The following MMP25 variants were observed in gnomAD, a reference collection of about 807,000 sequenced individuals.
MMP25 encodes matrix metallopeptidase 25.
In MMP25, 68 loss-of-function variants were observed where a neutral mutation model predicts 62.1. The ratio of observed to expected loss-of-function variants is 1.10; its 90% CI spans 0.90 to 1.34. The LOEUF (loss-of-function observed/expected upper bound fraction) is 1.34. Among genes scored for constraint, MMP25 ranks in the 40% most tolerant of loss-of-function variants. MMP25 has a pLI of 0.00. For missense variants in MMP25, 942 were observed against 792.5 expected (o/e 1.19, Z -2.26); for synonymous variants, 407 against 345.6 (o/e 1.18, Z -1.97).
At position 3,050,133 on chromosome 16, in the gene MMP25, C is replaced by G; in HGVS notation, c.357C>G (p.Thr119=). ...GCGGCAGCGTGTGGAAGAAGCGAAC[C>G]CTGACATGGAGGTAGGTCCTGGGGC... is the stretch of plus-strand genomic sequence containing the variant. ...ALSGSVWKKR[T]LTWRVRSFPQ... Residue 119 remains threonine, a synonymous_variant, in exon 3 of 10, where the codon ACC becomes ACG. Coordinates refer to ENST00000336577, the MANE Select transcript of MMP25 (RefSeq NM_022468.5). 5 of 1,606,008 alleles carry G rather than the reference C, an allele frequency of 3.1e-6. No homozygotes were observed. Among genetic ancestry groups the G allele is most frequent in the Non-Finnish European group, 4.3e-6 (5 of 1,174,300 alleles).
At position 3,058,850 on chromosome 16, in the gene MMP25, GC is replaced by G; in HGVS notation, c.1444del (p.His482ThrfsTer78). Reference sequence around the variant, plus strand: ...AGGTGACACCTACTTCTTCAAGGGCGCCCACTACTGGCGCTTCCCCAAGAAC... The same window carrying G: ...AGGTGACACCTACTTCTTCAAGGGCGCCACTACTGGCGCTTCCCCAAGAAC... ...NAGDTYFFKG[A>X]HYWRFPKNSI... On this transcript the variant is annotated frameshift_variant, in exon 10 of 10. Coordinates refer to ENST00000336577, the MANE Select transcript of MMP25 (RefSeq NM_022468.5). LOFTEE classifies it high-confidence loss of function. 6.5e-7 allele frequency: 1 copy of G among 1,530,882 alleles called. No individual in the cohort carries two copies. Among genetic ancestry groups the G allele is most frequent in the Non-Finnish European group, 8.8e-7 (1 of 1,136,094 alleles). 94.8% of individuals were successfully genotyped at this position (1,530,882 alleles called of 1,614,324 possible).
Position 3,058,133 on chromosome 16 carries a change from ACCT to A in MMP25, c.1007-44_1007-42del, listed in dbSNP as rs1172118615. 6 of 1,592,584 alleles carry A rather than the reference ACCT, an allele frequency of 3.8e-6. 1 individual carries two copies. The highest frequency in any genetic ancestry group is 1.8e-5 in the Admixed American group (1 of 55,402). On this transcript the variant is annotated intron_variant, in intron 7 of 9. Transcript: ENST00000336577. ...CCAGCCACACACCCTGGGGGAGGAG[ACCT>A]CCTGCTGTCTCATGCCTTCCTGCGA...
At position 3,058,433 on chromosome 16, in the gene MMP25, A is replaced by G; in HGVS notation, c.1181A>G (p.Gln394Arg). ...GCAGGGCCCCAGTTCTGGGTGTTCC[A>G]GGACCGGCAGCTGGAGGGCGGGGCG... is the stretch of plus-strand genomic sequence containing the variant. Reference protein sequence around the residue: ...LFSGPQFWVFQDRQLEGGARP... With the variant: ...LFSGPQFWVFRDRQLEGGARP... Residue 394 changes from glutamine (Q) to arginine (R), a missense_variant, in exon 9 of 10, where the codon CAG becomes CGG. By Grantham distance (43) the Gln-to-Arg change is conservative. Coordinates refer to ENST00000336577, the MANE Select transcript of MMP25 (RefSeq NM_022468.5). The G allele has an allele frequency of 1.9e-6, 3 of 1,578,972 alleles. No homozygotes were observed. The highest frequency in any genetic ancestry group is 2.6e-6 in the Non-Finnish European group (3 of 1,162,828).
In MMP25 at chr16:3,055,420, A is replaced by G. The variant is rs371602982; in HGVS notation, c.662-1613A>G. Among the ~76,000 whole-genome samples the G allele has an allele frequency of 1.1e-3, 163 of 152,294 alleles. 1 individual carries two copies. The highest frequency in any genetic ancestry group is 0.01 in the Middle Eastern group (3 of 294). ...GAAAAAGGACTCAGAGCAACAAGAG[A>G]ACCTACAGTCGACAGGGAAATTCGT... On this transcript the variant is annotated intron_variant, in intron 4 of 9. Coordinates refer to ENST00000336577, the MANE Select transcript of MMP25 (RefSeq NM_022468.5).
rs371508897 is a variant in MMP25 at position 3,057,642 on chromosome 16, G to A, written c.1006+29G>A. 3.7e-6 allele frequency: 6 copies of A among 1,605,212 alleles called. No individual in the cohort carries two copies. In the African/African-American group the frequency reaches 4.0e-5, roughly 11 times the overall value. On this transcript the variant is annotated intron_variant, in intron 7 of 9. Transcript: ENST00000336577. ...AGTCATTTCACTTGGCCTCATATAT[G>A]TTGGTTTCCTGCCCACTTCCAGTGA...
At chr16:3,050,666 T>A (rs371126074) in intron 4 of MMP25, 120 bp downstream of exon 4, 3 of 1,043,392 alleles carry the variant, frequency 2.9e-6, no homozygotes, top group Non-Finnish European at 4.0e-6. Flanking sequence ...CAGGCTAGAG[T>A]GCAGTGGTGC....
rs187045080 is a variant in MMP25, at chr16:3,048,899, G to A, written c.233-1110G>A. ...CGGCTCATTGCAATCTCTGCCTCCC[G>A]GGTTCAAGTGATTCTCCTGCCTCAG... On this transcript the variant is annotated intron_variant, in intron 2 of 9. Transcript: ENST00000336577. Among the ~76,000 whole-genome samples the A allele has an allele frequency of 2.2e-3, 338 of 151,292 alleles. 1 individual carries two copies. Among genetic ancestry groups the A allele is most frequent in the Admixed American group, 0.011 (164 of 15,170 alleles).
At position 3,058,272 on chromosome 16, in the gene MMP25, G is replaced by A. The variant is rs2142475; in HGVS notation, c.1098G>A (p.Gln366=). The change falls in exon 8 of 10, where the codon CAG becomes CAA. Residue 366 remains glutamine (Q), a synonymous_variant. Coordinates refer to ENST00000336577, the MANE Select transcript of MMP25 (RefSeq NM_022468.5). ...GCTTCTGGGAGGGGCTGCCCGCCCA[G>A]GTGAGGGTGGTGCAGGCCGCCTATG... ...LHRFWEGLPA[Q]VRVVQAAYAR... 2.5e-6 allele frequency: 4 copies of A among 1,610,208 alleles called. No individual in the cohort carries two copies. The highest frequency in any genetic ancestry group is 3.4e-6 in the Non-Finnish European group (4 of 1,178,918).
At chr16:3,047,714 C>T (rs1179545532) in intron 2 of MMP25, among the ~76,000 whole-genome samples, 167 bp downstream of exon 2, 2 of 152,146 alleles carry the variant, frequency 1.3e-5, no homozygotes, top group African/African-American at 4.8e-5. Flanking sequence ...AAGCATTTAT[C>T]AAGAACCTGG....
At position 3,046,738 on chromosome 16, in the gene MMP25, G is replaced by A; in HGVS notation, c.-180G>A. 2.3e-6 allele frequency: 1 copy of A among 426,906 alleles called. No homozygotes were observed. The highest frequency in any genetic ancestry group is 4.1e-6 in the Non-Finnish European group (1 of 242,952). 26.4% of individuals were successfully genotyped at this position (426,906 alleles called of 1,614,324 possible). A position where few individuals can be genotyped will look rare whatever the true frequency, so the allele number is the denominator to read the frequency against. On this transcript the variant is annotated 5_prime_UTR_variant, in exon 1 of 10. Transcript: ENST00000336577. ...CCCTGGCCCTCCGGGACCCTCCGCT[G>A]ACTCCACCGCGCACTTCCCGGGACC...
chr16:3,055,625 G>C, intron 4 of MMP25: 1 of 338,954 alleles, frequency 3.0e-6, no homozygotes, highest in Non-Finnish European at 5.9e-6. Context: ...ACCCCTCTTA[G>C]GTCTCACGTT....
At position 3,047,024 on chromosome 16, in the gene MMP25, C is replaced by CGGGGTCCGCAGGCTCCT. The variant is rs1220072907; in HGVS notation, c.99+15_99+31dup. ...GACGTGAGCCTGGGCGTGGTGAGCG[C>CGGGGTCCGCAGGCTCCT]GGGGTCCGCAGGCTCCTGGGGTCTG... is the stretch of plus-strand genomic sequence containing the variant. On this transcript the variant is annotated intron_variant, in intron 1 of 9. Coordinates refer to ENST00000336577, the MANE Select transcript of MMP25 (RefSeq NM_022468.5). 7.0e-7 allele frequency: 1 copy of CGGGGTCCGCAGGCTCCT among 1,434,070 alleles called. No homozygotes were observed. Among genetic ancestry groups the CGGGGTCCGCAGGCTCCT allele is most frequent in the South Asian group, 1.4e-5 (1 of 71,330 alleles). The allele number at this position is 1,434,070 out of a possible 1,614,324, so 88.8% of individuals were successfully genotyped here.
At position 3,059,148 on chromosome 16, in the gene MMP25, G is replaced by A; in HGVS notation, c.*50G>A. 1.4e-6 allele frequency: 2 copies of A among 1,474,910 alleles called. No individual in the cohort carries two copies. The highest frequency in any genetic ancestry group is 1.3e-5 in the South Asian group (1 of 74,406). The allele number at this position is 1,474,910 out of a possible 1,614,324, so 91.4% of individuals were successfully genotyped here. ...AGCGCCCTCCACGGCCGAGTCCCCC[G>A]CCGCTGGACCTGGTCGGGGGTTGTG... On this transcript the variant is annotated 3_prime_UTR_variant, in exon 10 of 10. Transcript: ENST00000336577.
chr16:3,050,635 A>G, intron 4 of MMP25, 89 bp downstream of exon 4: 1 of 1,344,170 alleles, frequency 7.4e-7, no homozygotes. Flanking sequence ...TGTTTAAGAA[A>G]CAAGGTCTTG....
rs1031186399 is a variant in MMP25, at chr16:3,059,245, C to T, written c.*147C>T. 2.4e-5 allele frequency: 22 copies of T among 924,188 alleles called. No homozygotes were observed. In the African/African-American group the frequency reaches 3.3e-4, roughly 14 times the overall value. The allele number at this position is 924,188 out of a possible 1,614,324, so 57.2% of individuals were successfully genotyped here. A position where few individuals can be genotyped will look rare whatever the true frequency, so the allele number is the denominator to read the frequency against. Reference sequence around the variant, plus strand: ...GCGCGGACTAAGCAGGGGGGATCTCCCGCGCAGGGGCGGCGGCGGCGGGGA... The same window carrying T: ...GCGCGGACTAAGCAGGGGGGATCTCTCGCGCAGGGGCGGCGGCGGCGGGGA... On this transcript the variant is annotated 3_prime_UTR_variant, in exon 10 of 10. Coordinates refer to ENST00000336577, the MANE Select transcript of MMP25 (RefSeq NM_022468.5).
At chr16:3,053,083 G>A (rs1955930406) in intron 4 of MMP25, 1 of 152,168 alleles carries the variant, frequency 6.6e-6, no homozygotes, top group Non-Finnish European at 1.5e-5. Flanking sequence ...GAGCCTGAGT[G>A]ACGGGGGAAG....
In MMP25 at chr16:3,058,861, G is replaced by A. The variant is rs1201501165; in HGVS notation, c.1452G>A (p.Trp484Ter). 1.9e-6 allele frequency: 3 copies of A among 1,544,548 alleles called. No individual in the cohort carries two copies. The South Asian group carries it at 3.6e-5, about 19-fold the overall frequency. The change falls in exon 10 of 10, where the codon TGG becomes TGA. Residue 484 changes from tryptophan to a stop codon, truncating the protein, a stop_gained. Transcript: ENST00000336577. LOFTEE classifies it high-confidence loss of function. ...DTYFFKGAHY[W>*]RFPKNSIKTE... ...ACTTCTTCAAGGGCGCCCACTACTG[G>A]CGCTTCCCCAAGAACAGCATCAAGA...
chr16:3,057,096 G>A lies in MMP25; in HGVS notation c.725G>A (p.Gly242Asp). The change falls in exon 5 of 10, where the codon GGC (glycine) becomes GAC (aspartate). Residue 242 changes from glycine to aspartate, a missense_variant. Transcript: ENST00000336577. Reference sequence around the variant, plus strand: ...GAGTTTGGCCACGCCCTGGGCCTGGGCCACTCCTCAGCCCCCAACTCCATT... The same window carrying A: ...GAGTTTGGCCACGCCCTGGGCCTGGACCACTCCTCAGCCCCCAACTCCATT... ...VHEFGHALGL[G>D]HSSAPNSIMR... The A allele has an allele frequency of 1.9e-6, 3 of 1,612,706 alleles. No homozygotes were observed. The highest frequency in any genetic ancestry group is 2.2e-5 in the South Asian group (2 of 90,890).
At chr16:3,047,760 G>A (rs1034021137) in intron 2 of MMP25, among the ~76,000 whole-genome samples, 7 of 152,052 alleles carry the variant, frequency 4.6e-5, no homozygotes, top group Non-Finnish European at 7.4e-5. Context: ...TTTGGGAGGC[G>A]GAGACTCAAG....
Sources: allele counts gnomAD v4.1 joint callset (sites outside exome capture counted in the v4.1 genomes callset), GRCh38; gene constraint gnomAD v4.1.1; transcripts MANE v1.5; gene names NCBI Gene and HGNC (gene_info 2026-07-23, HGNC 2026-07-21).